The following RABGAP1L variants were observed in gnomAD, a reference collection of about 807,000 sequenced individuals.
RABGAP1L encodes rab GTPase-activating protein 1-like.
RABGAP1L carries 63 observed loss-of-function variants against 137.7 expected under a neutral mutation model. The observed-to-expected ratio is 0.46, with a 90% confidence interval of 0.37 to 0.56. The LOEUF is 0.56. RABGAP1L is among the 20% of genes least tolerant of loss of function. RABGAP1L has a pLI of 0.00. For missense variants in RABGAP1L, 1,095 were observed against 1,244.0 expected (o/e 0.88, Z 1.80); for synonymous variants, 431 against 433.7 (o/e 0.99, Z 0.08).
intron 18 of RABGAP1L, among the ~76,000 whole-genome samples, chr1:174,784,388 G>C (rs1687296656): frequency 6.6e-6 from 1 of 151,912 alleles, no homozygotes; most frequent in South Asian, 2.1e-4. Flanking sequence ...CTTCTCTTTA[G>C]TGCTCTGTTG....
At chr1:174,312,545 G>T (rs1004868853) in intron 11 of RABGAP1L, among the ~76,000 whole-genome samples, 2 of 152,094 alleles carry the variant, frequency 1.3e-5, no homozygotes, top group African/African-American at 4.8e-5. Context: ...CTCCCATCCT[G>T]TGAGTTATCT....
intron 18 of RABGAP1L, among the ~76,000 whole-genome samples, chr1:174,773,971 T>G (rs1686322414): frequency 6.6e-6 from 1 of 152,334 alleles, no homozygotes; most frequent in East Asian, 1.9e-4. Context: ...GTATTGCTTT[T>G]TAGAATGAAA....
intron 1 of RABGAP1L, among the ~76,000 whole-genome samples, chr1:174,164,656 C>T (rs962815729): frequency 6.6e-6 from 1 of 152,178 alleles, no homozygotes; most frequent in Non-Finnish European, 1.5e-5. Context: ...ATTCTTAGGG[C>T]TTCCCTCCTC....
intron 13 of RABGAP1L, among the ~76,000 whole-genome samples, chr1:174,497,321 G>A (rs1660835254): frequency 6.6e-6 from 1 of 152,166 alleles, no homozygotes; most frequent in Non-Finnish European, 1.5e-5. Flanking sequence ...ATCCAGCACT[G>A]TGCCCATATG....
At chr1:174,971,286 T>C in intron 21 of RABGAP1L, among the ~76,000 whole-genome samples, 1 of 151,082 alleles carries the variant, frequency 6.6e-6, no homozygotes, top group Middle Eastern at 3.5e-3. Context: ...ATAATATATA[T>C]AACTTTAATA....
intron 13 of RABGAP1L, chr1:174,545,786 C>T (rs991866182): frequency 1.3e-5 from 2 of 152,154 alleles, no homozygotes; most frequent in Non-Finnish European, 2.9e-5. Flanking sequence ...GTAGAAGTTA[C>T]CTAATTGCTT....
chr1:174,328,256 A>T (rs887138938), intron 11 of RABGAP1L, among the ~76,000 whole-genome samples: 4 of 151,840 alleles, frequency 2.6e-5, no homozygotes, highest in African/African-American at 9.7e-5. Flanking sequence ...ATTCTTCTCA[A>T]CTGCATATGA....
At chr1:174,681,181 C>A (rs1423188355) in intron 14 of RABGAP1L, among the ~76,000 whole-genome samples, 1 of 152,140 alleles carries the variant, frequency 6.6e-6, no homozygotes, top group Non-Finnish European at 1.5e-5. Flanking sequence ...GATAAACTTA[C>A]ATTTAACATT....
chr1:174,531,790 T>G (rs986207873), intron 13 of RABGAP1L, among the ~76,000 whole-genome samples: 25 of 152,004 alleles, frequency 1.6e-4, no homozygotes, highest in Admixed American at 2.6e-4. Context: ...ATTGAGTAAT[T>G]GTGGAACCCT....
At chr1:174,616,354 T>G (rs747146021) in intron 13 of RABGAP1L, among the ~76,000 whole-genome samples, 13 of 152,328 alleles carry the variant, frequency 8.5e-5, no homozygotes, top group Non-Finnish European at 1.5e-4. Context: ...GGGAGAGAAT[T>G]TAAACTTCAA....
chr1:174,699,622 A>C lies in RABGAP1L; in HGVS notation c.1997A>C (p.Lys666Thr). ...AACAACTTCGAAGATCTTCATTGCA[A>C]ATTCTACCAGTTGGAGAGACTAATG... ...YRNNFEDLHC[K>T]FYQLERLMQE... Residue 666 changes from lysine (K) to threonine (T), a missense_variant, in exon 16 of 26, where the codon AAA becomes ACA. By Grantham distance (78) the Lys-to-Thr change is moderately conservative. This residue lies in a region of RABGAP1L where 315 missense variants were observed against 324.8 expected (regional missense o/e 0.97). Coordinates refer to ENST00000681986, the MANE Select transcript of RABGAP1L (RefSeq NM_001366446.1). 1 of 1,608,564 alleles carries C rather than the reference A, an allele frequency of 6.2e-7. No homozygotes were observed.
chr1:174,264,309 C>G (rs1400669649), intron 7 of RABGAP1L, among the ~76,000 whole-genome samples: 2 of 151,888 alleles, frequency 1.3e-5, no homozygotes, highest in African/African-American at 4.8e-5. Context: ...TGAAATGTCC[C>G]TGCTTTTAAG....
At chr1:174,613,590 G>A (rs1671485882) in intron 13 of RABGAP1L, among the ~76,000 whole-genome samples, 1 of 152,170 alleles carries the variant, frequency 6.6e-6, no homozygotes, top group Middle Eastern at 3.2e-3. Flanking sequence ...GTGCAGAGCT[G>A]AGTTCAATTC....
intron 15 of RABGAP1L, among the ~76,000 whole-genome samples, chr1:174,691,283 T>C (rs1309868932): frequency 6.6e-6 from 1 of 152,218 alleles, no homozygotes; most frequent in Non-Finnish European, 1.5e-5. Flanking sequence ...ATTATCAAAA[T>C]GTAGTTTTAC....
chr1:174,871,840 G>C (rs774599037), intron 19 of RABGAP1L, among the ~76,000 whole-genome samples: 7 of 152,174 alleles, frequency 4.6e-5, no homozygotes, highest in Non-Finnish European at 8.8e-5. Flanking sequence ...CATTACTCAT[G>C]TTTTCAGGTA....
chr1:174,833,447 G>GATATATATATAT (rs1275423217), intron 19 of RABGAP1L, among the ~76,000 whole-genome samples: 13 of 16,914 alleles, frequency 7.7e-4, no homozygotes, highest in Non-Finnish European at 1.6e-3. Context: ...TGTGTGTGTA[G>GATATATATATAT]AGATATATAT....
chr1:174,836,460 A>G (rs1440554707), intron 19 of RABGAP1L, among the ~76,000 whole-genome samples: 1 of 152,194 alleles, frequency 6.6e-6, no homozygotes, highest in East Asian at 1.9e-4. Context: ...GACAATCTTG[A>G]TCTCTCTCTT....
chr1:174,282,375 T>G (rs960270531), intron 10 of RABGAP1L, among the ~76,000 whole-genome samples: 1 of 152,234 alleles, frequency 6.6e-6, no homozygotes, highest in African/African-American at 2.4e-5. Flanking sequence ...AATTTACATT[T>G]CACATTGAGT....
At chr1:174,379,062 G>C (rs950625266) in intron 12 of RABGAP1L, among the ~76,000 whole-genome samples, 2 of 141,900 alleles carry the variant, frequency 1.4e-5, no homozygotes, top group Non-Finnish European at 3.1e-5. Context: ...CCCATTGCTT[G>C]TTTTTCTCAG....
Sources: allele counts gnomAD v4.1 joint callset (sites outside exome capture counted in the v4.1 genomes callset), GRCh38; gene constraint gnomAD v4.1.1; regional missense constraint gnomAD v4.1.1; transcripts MANE v1.5; gene names NCBI Gene and HGNC (gene_info 2026-07-23, HGNC 2026-07-21).